Variants in ARK2C observed in about 807,000 individuals in gnomAD.
ARK2C encodes the protein arkadia (RNF111) C-terminal like ring finger ubiquitin ligase 2C.
the ARK2C span, chr18:46,337,442 C>T: frequency 6.1e-6 from 6 of 985,180 alleles, no homozygotes; most frequent in East Asian, 1.1e-4. Context: ...GTACAGCGCT[C>T]GGTTAGAGAT....
the ARK2C span, among the ~76,000 whole-genome samples, chr18:46,365,103 G>A: frequency 8.5e-5 from 13 of 152,254 alleles, no homozygotes; most frequent in Admixed American, 3.3e-4. Context: ...CATTCCCTGC[G>A]TCTCTGCCAT....
chr18:46,402,612 C>G, the ARK2C span, among the ~76,000 whole-genome samples: 3 of 152,284 alleles, frequency 2.0e-5, no homozygotes, highest in South Asian at 6.2e-4. Flanking sequence ...GTGATCCTCC[C>G]ATCAGCAACC....
the ARK2C span, chr18:46,461,727 TAGAG>T: frequency 6.8e-6 from 1 of 147,990 alleles, no homozygotes; most frequent in Non-Finnish European, 1.5e-5. Context: ...AAGAGAAGAA[TAGAG>T]AGAGTGAGCT....
the ARK2C span, among the ~76,000 whole-genome samples, chr18:46,391,514 T>G: frequency 6.6e-6 from 1 of 152,150 alleles, no homozygotes; most frequent in Non-Finnish European, 1.5e-5. Context: ...ACACTCTGTG[T>G]AGCCCCATGT....
the ARK2C span, among the ~76,000 whole-genome samples, chr18:46,372,130 T>C: frequency 5.3e-5 from 8 of 152,136 alleles, no homozygotes; most frequent in South Asian, 1.5e-3. Flanking sequence ...TGGCTGGAGG[T>C]TGGCTGCAGG....
At chr18:46,409,426 C>T in the ARK2C span, among the ~76,000 whole-genome samples, 2 of 152,076 alleles carry the variant, frequency 1.3e-5, no homozygotes, top group Non-Finnish European at 2.9e-5. Context: ...ATGCACTCTT[C>T]GTTAGTTTAG....
chr18:46,334,262 G>T, the ARK2C span: 2 of 1,486,988 alleles, frequency 1.3e-6, no homozygotes, highest in East Asian at 2.8e-5. This position sits in a 1 kb window ranked among gnomAD's most constrained non-coding sequence, Gnocchi z 4.4. Context: ...CCGCCGCCGC[G>T]CGAGGAGCCA....
chr18:46,418,264 G>A, the ARK2C span, among the ~76,000 whole-genome samples: 5 of 152,110 alleles, frequency 3.3e-5, no homozygotes, highest in African/African-American at 9.7e-5. Context: ...GGCTGAGATG[G>A]GAGGATCGCT....
At chr18:46,421,323 T>C in the ARK2C span, among the ~76,000 whole-genome samples, 3 of 152,168 alleles carry the variant, frequency 2.0e-5, no homozygotes, top group African/African-American at 7.2e-5. Context: ...ATGACCAAGG[T>C]TTTTGGCAAG....
At chr18:46,450,162 G>A in the ARK2C span, 1 of 676,258 alleles carries the variant, frequency 1.5e-6, no homozygotes, top group East Asian at 2.7e-5. Flanking sequence ...AGGGACATAA[G>A]AGCAGGAAAG....
At chr18:46,334,353 C>T in the ARK2C span, 15 of 1,579,610 alleles carry the variant, frequency 9.5e-6, no homozygotes, top group South Asian at 1.1e-4. This position sits in a 1 kb window ranked among gnomAD's most constrained non-coding sequence, Gnocchi z 4.4. Context: ...TTTTTCCTTT[C>T]GGGGTCTGCT....
At chr18:46,398,916 A>G in the ARK2C span, among the ~76,000 whole-genome samples, 1 of 151,808 alleles carries the variant, frequency 6.6e-6, no homozygotes, top group Non-Finnish European at 1.5e-5. Flanking sequence ...CATGTAGGGC[A>G]GTGGTTCTGA....
the ARK2C span, among the ~76,000 whole-genome samples, chr18:46,368,285 G>C: frequency 1.1e-4 from 16 of 152,280 alleles, no homozygotes; most frequent in East Asian, 2.3e-3. Context: ...GGACGTGGAG[G>C]CCTAAATAAA....
the ARK2C span, among the ~76,000 whole-genome samples, chr18:46,417,076 T>C: frequency 6.6e-6 from 1 of 152,224 alleles, no homozygotes; most frequent in Non-Finnish European, 1.5e-5. Flanking sequence ...GTCTATCTTG[T>C]CCTCTGTCTC....
At chr18:46,392,941 C>A in the ARK2C span, among the ~76,000 whole-genome samples, 2,315 of 152,142 alleles carry the variant, frequency 0.015, 56 homozygotes, top group African/African-American at 0.053. Flanking sequence ...CCAAGAAACA[C>A]CATGGAAACC....
chr18:46,447,656 G>A, the ARK2C span: 1 of 1,614,074 alleles, frequency 6.2e-7, no homozygotes, highest in Non-Finnish European at 8.5e-7. Flanking sequence ...CTCCTCGAAT[G>A]CACCACTTTC....
the ARK2C span, among the ~76,000 whole-genome samples, chr18:46,402,557 C>T: frequency 0.12 from 17,858 of 152,128 alleles, 1,842 homozygotes; most frequent in African/African-American, 0.28. Flanking sequence ...CTGTCACCCA[C>T]GCTGGAGTGC....
the ARK2C span, among the ~76,000 whole-genome samples, chr18:46,383,647 A>T: frequency 1.4e-5 from 2 of 141,588 alleles, no homozygotes; most frequent in African/African-American, 5.4e-5. Context: ...CTCTGCCTCC[A>T]GGGTTCATGC....
At chr18:46,444,798 GTCTTA>G in the ARK2C span, among the ~76,000 whole-genome samples, 3 of 152,034 alleles carry the variant, frequency 2.0e-5, no homozygotes, top group African/African-American at 7.2e-5. Context: ...TTATTGTTGT[GTCTTA>G]AAGTCACTAA....
Sources: allele counts gnomAD v4.1 joint callset (sites outside exome capture counted in the v4.1 genomes callset), GRCh38; gene constraint gnomAD v4.1.1; non-coding constraint Gnocchi (gnomAD v3.1); transcripts MANE v1.5; gene names NCBI Gene and HGNC (gene_info 2026-07-23, HGNC 2026-07-21).